RAG1: variants seen among roughly 807,000 people sequenced by gnomAD.
RAG1 encodes the protein recombination activating 1.
In RAG1, 35 loss-of-function variants were observed where a neutral mutation model predicts 62.7. The observed-to-expected ratio is 0.56, with a 90% CI of 0.43 to 0.74. RAG1 has a LOEUF of 0.74. Ranked by LOEUF, RAG1 falls within the 30% of genes least tolerant of loss-of-function variation. RAG1 has a pLI of 0.00. For synonymous variants in RAG1, 461 were observed against 470.3 expected (o/e 0.98, Z 0.26); for missense variants, 1,169 against 1,278.6 (o/e 0.91, Z 1.31).
At chr11:36,558,911 C>T (rs575274763) in intron 3 of RAG1, among the ~76,000 whole-genome samples, 6 of 152,200 alleles carry the variant, frequency 3.9e-5, no homozygotes, top group Non-Finnish European at 5.9e-5. Context: ...CTTTCTCTTT[C>T]GCATCTGTGT....
intron 2 of RAG1, among the ~76,000 whole-genome samples, chr11:36,525,607 A>G (rs559468514): frequency 3.3e-5 from 5 of 152,182 alleles, no homozygotes; most frequent in East Asian, 3.9e-4. Context: ...AATCCTTTAC[A>G]TGTTTCGTAC....
intron 1 of RAG1, among the ~76,000 whole-genome samples, chr11:36,513,532 G>C (rs1266424680): frequency 1.3e-5 from 2 of 152,208 alleles, no homozygotes; most frequent in African/African-American, 4.8e-5. Context: ...CTTGAAGATG[G>C]TATTTATGCC....
chr11:36,546,341 T>C (rs1850392174), intron 3 of RAG1, among the ~76,000 whole-genome samples: 1 of 152,230 alleles, frequency 6.6e-6, no homozygotes, highest in Non-Finnish European at 1.5e-5. Context: ...TGCTCTTCTT[T>C]GTATTTTTTG....
At chr11:36,516,547 C>A (rs974299684) in intron 1 of RAG1, among the ~76,000 whole-genome samples, 1 of 152,254 alleles carries the variant, frequency 6.6e-6, no homozygotes, top group Non-Finnish European at 1.5e-5. Flanking sequence ...TGGTCTCGAT[C>A]TCCTGACCTC....
At chr11:36,512,355 A>G (rs1375588630) in intron 1 of RAG1, among the ~76,000 whole-genome samples, 2 of 152,210 alleles carry the variant, frequency 1.3e-5, no homozygotes. Flanking sequence ...TGGAAAGTCA[A>G]TCCACCTGCA....
chr11:36,544,564 C>T (rs1429200175), intron 3 of RAG1, among the ~76,000 whole-genome samples: 1 of 152,144 alleles, frequency 6.6e-6, no homozygotes, highest in Non-Finnish European at 1.5e-5. Flanking sequence ...TCTATATTTT[C>T]CCTCTCTTTT....
intron 2 of RAG1, among the ~76,000 whole-genome samples, chr11:36,530,597 A>T (rs1323927788): frequency 1.3e-5 from 2 of 151,630 alleles, no homozygotes; most frequent in East Asian, 1.9e-4. Flanking sequence ...GTTACTTAGG[A>T]GTATGTTGTT....
chr11:36,574,166 G>A lies in RAG1; in HGVS notation c.862G>A (p.Val288Met), dbSNP rs1850797191. 3 of 1,614,220 alleles carry A rather than the reference G, an allele frequency of 1.9e-6. No individual in the cohort carries two copies. Among genetic ancestry groups the A allele is most frequent in the East Asian group, 4.5e-5 (2 of 44,878 alleles). The change falls in exon 2 of 2, where the codon GTG becomes ATG. Residue 288 changes from valine to methionine, a missense_variant. Val to Met is a conservative substitution (Grantham distance 21, BLOSUM62 1). Around this residue, in one of 2 missense-constraint regions of RAG1, gnomAD observed 800 missense variants for 943.3 expected, o/e 0.85. Coordinates refer to ENST00000299440, the MANE Select transcript of RAG1 (RefSeq NM_000448.3). ...LLAVDFPEHFVKSISCQICEH... is the reference protein window; with the variant it reads ...LLAVDFPEHFMKSISCQICEH... ...TGCAGTGGACTTCCCAGAGCACTTT[G>A]TGAAATCCATCTCCTGCCAGATCTG...
chr11:36,574,382 GC>G lies in RAG1; in HGVS notation c.1079del (p.Ala360GlufsTer43). 6.2e-7 allele frequency: 1 copy of G among 1,614,176 alleles called. No homozygotes were observed. On this transcript the variant is annotated frameshift_variant, in exon 2 of 2. Transcript: ENST00000299440. LOFTEE classifies it high-confidence loss of function. ...GAATTCCCTGATGGTGAAATGTCCA[GC>G]AAAAGAGTGCAATGAGGAGGTCAGT... ...VLNSLMVKCPAKECNEEVSLE... is the reference protein window; with the variant it reads ...VLNSLMVKCPXKECNEEVSLE...
rs368073575 is a variant in RAG1 at position 36,576,057 on chromosome 11, G to A, written c.2753G>A (p.Arg918His). The A allele has an allele frequency of 1.8e-4, 297 of 1,614,028 alleles. No individual in the cohort carries two copies. The highest frequency in any genetic ancestry group is 2.4e-4 in the Non-Finnish European group (280 of 1,180,040). The change falls in exon 2 of 2, where the codon CGT (arginine) becomes CAT (histidine). Residue 918 changes from arginine (R) to histidine (H), a missense_variant. This residue lies in a region of RAG1 where 800 missense variants were observed against 943.3 expected (regional missense o/e 0.85). Transcript: ENST00000299440. The part of the protein sequence containing the change: ...SLCQYSFNSQ[R>H]FAELLSTKFK... ...TGCCAGTACAGTTTCAATTCACAGC[G>A]TTTTGCTGAGCTCCTTTCTACGAAG...
At chr11:36,559,330 A>G (rs1388155299) in intron 3 of RAG1, among the ~76,000 whole-genome samples, 2 of 152,168 alleles carry the variant, frequency 1.3e-5, no homozygotes, top group African/African-American at 2.4e-5. Context: ...CAGTTTGACT[A>G]TAAAGTGCTT....
chr11:36,537,505 A>G (rs925075247), downstream of RAG1, among the ~76,000 whole-genome samples: 2 of 152,202 alleles, frequency 1.3e-5, no homozygotes, highest in Non-Finnish European at 2.9e-5. Flanking sequence ...GAAATCAAAT[A>G]AAATATCAAA....
intron 3 of RAG1, among the ~76,000 whole-genome samples, chr11:36,544,053 C>A (rs183559392): frequency 6.6e-6 from 1 of 152,180 alleles, no homozygotes; most frequent in African/African-American, 2.4e-5. Flanking sequence ...ACATATGGAA[C>A]ATTTTCCACA....
chr11:36,530,926 T>A (rs1477974502), intron 2 of RAG1, among the ~76,000 whole-genome samples: 1 of 152,030 alleles, frequency 6.6e-6, no homozygotes. Flanking sequence ...CAACCATAAC[T>A]GTGGATTTGT....
chr11:36,514,918 G>A (rs935512402), intron 1 of RAG1, among the ~76,000 whole-genome samples: 3 of 152,242 alleles, frequency 2.0e-5, no homozygotes, highest in Non-Finnish European at 2.9e-5. Flanking sequence ...GGTCCATGCA[G>A]AGGGAACACC....
intron 3 of RAG1, among the ~76,000 whole-genome samples, chr11:36,558,839 C>G (rs1418053118): frequency 6.6e-6 from 1 of 152,052 alleles, no homozygotes; most frequent in Non-Finnish European, 1.5e-5. Context: ...ATTTCTCTTC[C>G]TCGTTTCTTT....
At chr11:36,514,478 T>C (rs185194449) in intron 1 of RAG1, among the ~76,000 whole-genome samples, 37 of 152,322 alleles carry the variant, frequency 2.4e-4, no homozygotes, top group African/African-American at 7.9e-4. Flanking sequence ...TTTGGGTTGA[T>C]TCAAGTGCAT....
In RAG1 at chr11:36,576,525, G is replaced by T. The variant is rs1245896374; in HGVS notation, c.*89G>T. On this transcript the variant is annotated 3_prime_UTR_variant, in exon 2 of 2. Transcript: ENST00000299440. ...TTCTCCTAGCACCCTTTACTGCTGT[G>T]TATGGGGCTTCACCATCCAAGAGGT... The T allele has an allele frequency of 6.8e-7, 1 of 1,477,466 alleles. No individual in the cohort carries two copies. The highest frequency in any genetic ancestry group is 9.4e-7 in the Non-Finnish European group (1 of 1,059,622). 91.5% of individuals were successfully genotyped at this position (1,477,466 alleles called of 1,614,324 possible).
At chr11:36,550,126 C>A (rs1392998244) in intron 3 of RAG1, among the ~76,000 whole-genome samples, 1 of 151,838 alleles carries the variant, frequency 6.6e-6, no homozygotes, top group Non-Finnish European at 1.5e-5. Context: ...GACTGGGGAG[C>A]TGGGGAGGGA....
Sources: allele counts gnomAD v4.1 joint callset (sites outside exome capture counted in the v4.1 genomes callset), GRCh38; gene constraint gnomAD v4.1.1; regional missense constraint gnomAD v4.1.1; transcripts MANE v1.5; gene names NCBI Gene and HGNC (gene_info 2026-07-23, HGNC 2026-07-21).